TMTC2: variants seen among roughly 807,000 people sequenced by gnomAD.
TMTC2 encodes transmembrane O-mannosyltransferase targeting cadherins 2.
A neutral mutation model predicts 82.4 loss-of-function variants in TMTC2; 43 were observed. The ratio of observed to expected loss-of-function variants is 0.52; its 90% CI spans 0.41 to 0.67. The LOEUF (loss-of-function observed/expected upper bound fraction) is 0.67. Among genes scored for constraint, TMTC2 ranks in the 30% least tolerant of loss-of-function variants. The probability of loss-of-function intolerance (pLI) is 0.00; values close to 1 mark genes in which losing one functional copy is unlikely to be tolerated. For missense variants in TMTC2, 919 were observed against 1,012.4 expected, an observed-to-expected ratio of 0.91 and a Z score of 1.25; for synonymous variants, 408 against 381.9, an observed-to-expected ratio of 1.07 and a Z score of -0.80.
chr12:82,784,968 G>A (rs1370934176), intron 1 of TMTC2, among the ~76,000 whole-genome samples: 1 of 151,954 alleles, frequency 6.6e-6, no homozygotes, highest in Admixed American at 6.6e-5. Flanking sequence ...TACAATTTCT[G>A]TGTCTTTTTG....
chr12:83,059,747 G>A (rs1882674266), intron 10 of TMTC2, among the ~76,000 whole-genome samples: 2 of 151,600 alleles, frequency 1.3e-5, no homozygotes, highest in South Asian at 4.2e-4. Context: ...TTATTTTCAA[G>A]GCATTTTATC....
chr12:82,725,298 C>T (rs1415226888), intron 1 of TMTC2, among the ~76,000 whole-genome samples: 1 of 152,028 alleles, frequency 6.6e-6, no homozygotes, highest in Non-Finnish European at 1.5e-5. Context: ...AGTCACTTTT[C>T]TAGACTTATT....
At chr12:83,045,727 G>GGCTCACACACACACACACACA (rs1437284307) in intron 9 of TMTC2, among the ~76,000 whole-genome samples, 1 of 142,452 alleles carries the variant, frequency 7.0e-6, no homozygotes. Flanking sequence ...ACACACACAC[G>GGCTCACACACACACACACACA]CACACACACA....
At chr12:83,082,772 T>A (rs1200597862) in intron 11 of TMTC2, among the ~76,000 whole-genome samples, 2 of 152,218 alleles carry the variant, frequency 1.3e-5, no homozygotes, top group Non-Finnish European at 2.9e-5. Flanking sequence ...GGTTTTGCCT[T>A]CCTAAATTTA....
At position 82,997,380 on chromosome 12, in the gene TMTC2, A is replaced by ATATATATATATGTATATATATATATG. The variant is rs1565845158; in HGVS notation, c.2070+11335_2070+11336insATATATATATGTATATATATATATGT. On this transcript the variant is annotated intron_variant, in intron 8 of 11. Transcript: ENST00000321196. ...TATATATATATGTGTATATATATAT[A>ATATATATATATGTATATATATATATG]TGTGTATATATATATGTGTATATAT... is the stretch of plus-strand genomic sequence containing the variant. 7.7e-3 allele frequency among the ~76,000 whole-genome samples: 270 copies of ATATATATATATGTATATATATATATG among 35,192 alleles called. 5 individuals carry two copies. The highest frequency in any genetic ancestry group is 0.023 in the African/African-American group (259 of 11,502). 23.1% of individuals were successfully genotyped at this position (35,192 alleles called of 152,430 possible).
At chr12:82,990,672 C>T (rs998425341) in intron 8 of TMTC2, among the ~76,000 whole-genome samples, 1 of 151,908 alleles carries the variant, frequency 6.6e-6, no homozygotes, top group Non-Finnish European at 1.5e-5. Context: ...AGATATGGGG[C>T]AGGGGGTGAG....
Position 82,744,512 on chromosome 12 carries a change from A to G in TMTC2, c.83+56843A>G, listed in dbSNP as rs1357315921. 1.6e-4 allele frequency among the ~76,000 whole-genome samples: 23 copies of G among 139,748 alleles called. No individual in the cohort carries two copies. In the Admixed American group the frequency reaches 1.8e-3, roughly 11 times the overall value. The allele number at this position is 139,748 out of a possible 152,430, so 91.7% of individuals were successfully genotyped here. On this transcript the variant is annotated intron_variant, in intron 1 of 11. Transcript: ENST00000321196. The stretch of plus-strand genomic sequence containing the variant: ...CTGAGGGGCTGAAGCAGAGGATCAC[A>G]AGTTCAGGGCTGCAGTGGGCTGTGA...
chr12:82,912,916 G>A (rs529079312), intron 3 of TMTC2, among the ~76,000 whole-genome samples: 109 of 146,150 alleles, frequency 7.5e-4, no homozygotes, highest in Non-Finnish European at 1.5e-3. Flanking sequence ...TCCAGCCTGG[G>A]TGACAGAGTT....
At position 82,985,955 on chromosome 12, in the gene TMTC2, C is replaced by T. The variant is rs780071556; in HGVS notation, c.1979C>T (p.Pro660Leu). Residue 660 changes from proline (P) to leucine (L), a missense_variant, in exon 8 of 12, where the codon CCC becomes CTC. Physicochemically the swap from Pro to Leu is moderately conservative, Grantham distance 98. Coordinates refer to ENST00000321196, the MANE Select transcript of TMTC2 (RefSeq NM_152588.3). ...GEAYMRLSKL[P>L]EAEHWYMESL... ...GCATATATGCGTTTAAGCAAACTCC[C>T]CGAAGCAGAGCATTGGTATATGGAA... The T allele has an allele frequency of 5.0e-6, 8 of 1,613,874 alleles. No homozygotes were observed. In the Admixed American group the frequency reaches 1.2e-4, roughly 24 times the overall value.
chr12:82,878,291 A>T (rs1872677458), intron 2 of TMTC2, among the ~76,000 whole-genome samples: 1 of 152,184 alleles, frequency 6.6e-6, no homozygotes, highest in South Asian at 2.1e-4. Context: ...AGATAATAAG[A>T]TTAAGATTGT....
rs539050915 is a variant in TMTC2 at position 82,924,840 on chromosome 12, T to A, written c.1484-5591T>A. ...AAGAGTGACATTTCGAAAATGAAAG[T>A]CAAATCACAAAATCCCTCACTGAAT... On this transcript the variant is annotated intron_variant, in intron 3 of 11. Coordinates refer to ENST00000321196, the MANE Select transcript of TMTC2 (RefSeq NM_152588.3). Among the ~76,000 whole-genome samples, 25 of 152,224 alleles carry A rather than the reference T, an allele frequency of 1.6e-4. No individual in the cohort carries two copies. In the South Asian group the frequency reaches 5.2e-3, roughly 32 times the overall value.
At chr12:83,110,864 A>G (rs1463452240) in intron 11 of TMTC2, among the ~76,000 whole-genome samples, 1 of 152,188 alleles carries the variant, frequency 6.6e-6, no homozygotes, top group Non-Finnish European at 1.5e-5. Context: ...GATGACTTTC[A>G]GTTTTATCTC....
chr12:82,918,714 TTCTCTCTCTC>T (rs61006862), intron 3 of TMTC2, among the ~76,000 whole-genome samples: 15 of 148,466 alleles, frequency 1.0e-4, no homozygotes, highest in Admixed American at 4.0e-4. Context: ...TTTTCTTTTC[TTCTCTCTCTC>T]TCTCTCTCTC....
chr12:83,106,374 C>T (rs1884396118), intron 11 of TMTC2, among the ~76,000 whole-genome samples: 1 of 151,908 alleles, frequency 6.6e-6, no homozygotes, highest in Non-Finnish European at 1.5e-5. Flanking sequence ...TGGTGCATCC[C>T]TGTAATCCCA....
intron 7 of TMTC2, among the ~76,000 whole-genome samples, chr12:82,973,847 A>G (rs1427951905): frequency 6.6e-6 from 1 of 152,232 alleles, no homozygotes; most frequent in African/African-American, 2.4e-5. Flanking sequence ...TTTCCTGGAA[A>G]TAGGATATGA....
chr12:83,098,673 A>G lies in TMTC2; in HGVS notation c.2332-33537A>G, dbSNP rs1228970140. On this transcript the variant is annotated intron_variant, in intron 11 of 11. Transcript: ENST00000321196. ...AAGTTTTATCGGAAACCAGATATGT[A>G]GATGAGCTCTTAAGCAAGCTCGAGC... 2.0e-5 allele frequency among the ~76,000 whole-genome samples: 3 copies of G among 152,256 alleles called. No homozygotes were observed. The East Asian group carries it at 5.8e-4, about 29-fold the overall frequency.
intron 1 of TMTC2, among the ~76,000 whole-genome samples, chr12:82,778,342 C>T (rs1877702652): frequency 6.6e-6 from 1 of 152,154 alleles, no homozygotes; most frequent in Non-Finnish European, 1.5e-5. Flanking sequence ...TCTTCAATTT[C>T]ATCCTTCTGA....
chr12:82,843,883 G>A (rs1870483718), intron 1 of TMTC2, among the ~76,000 whole-genome samples: 1 of 152,158 alleles, frequency 6.6e-6, no homozygotes, highest in South Asian at 2.1e-4. Context: ...AGGAGGCGGA[G>A]GATGCAGTGA....
At chr12:82,870,508 A>C (rs1296542977) in intron 2 of TMTC2, among the ~76,000 whole-genome samples, 2 of 152,228 alleles carry the variant, frequency 1.3e-5, no homozygotes, top group Non-Finnish European at 2.9e-5. Context: ...GAAGTGGAGA[A>C]TTAAAAGTAG....
Sources: allele counts gnomAD v4.1 joint callset (sites outside exome capture counted in the v4.1 genomes callset), GRCh38; gene constraint gnomAD v4.1.1; transcripts MANE v1.5; gene names NCBI Gene and HGNC (gene_info 2026-07-23, HGNC 2026-07-21).